The following SUCLG2 variants were observed in gnomAD, a reference collection of about 807,000 sequenced individuals.
SUCLG2 encodes the protein succinate--CoA ligase [GDP-forming] subunit beta, mitochondrial.
Under a neutral mutation model 47.9 loss-of-function variants are expected in SUCLG2, and 42 were observed. The ratio of observed to expected loss-of-function variants is 0.88; its 90% CI spans 0.69 to 1.14. The LOEUF (loss-of-function observed/expected upper bound fraction) is 1.14, where lower values mean the gene tolerates loss of function less well. Ranked by LOEUF, SUCLG2 falls within the 50% of genes most tolerant of loss-of-function variation. The probability of loss-of-function intolerance (pLI) is 0.00; values close to 1 mark genes in which losing one functional copy is unlikely to be tolerated. For missense variants in SUCLG2, 571 were observed against 525.9 expected (o/e 1.09, Z -0.84); for synonymous variants, 195 against 197.3 (o/e 0.99, Z 0.10).
At chr3:67,569,079 T>C (rs1707544389) in intron 2 of SUCLG2, among the ~76,000 whole-genome samples, 1 of 152,142 alleles carries the variant, frequency 6.6e-6, no homozygotes, top group Non-Finnish European at 1.5e-5. Flanking sequence ...CCCACCCCTA[T>C]CCTAACTGGA....
rs199670973 is a variant in SUCLG2, at chr3:67,438,429, C to CA, written c.1063-37579dup. On this transcript the variant is annotated intron_variant, in intron 9 of 10. Transcript: ENST00000307227. The stretch of plus-strand genomic sequence containing the variant: ...GACATGAAAAACTCATCCTCCCACC[C>CA]AAAAAAAATCAATGAATCCAAGAGC... Among the ~76,000 whole-genome samples the CA allele has an allele frequency of 7.9e-3, 1,180 of 148,690 alleles. 16 individuals carry two copies. Among genetic ancestry groups the CA allele is most frequent in the African/African-American group, 0.027 (1,118 of 40,726 alleles).
intron 7 of SUCLG2, among the ~76,000 whole-genome samples, chr3:67,500,219 A>G (rs1186899175): frequency 1.3e-5 from 2 of 152,122 alleles, no homozygotes; most frequent in Non-Finnish European, 2.9e-5. Flanking sequence ...CTTCTTATGA[A>G]AATAAAACAT....
At chr3:67,570,673 G>A (rs1384773937) in intron 2 of SUCLG2, among the ~76,000 whole-genome samples, 1 of 152,124 alleles carries the variant, frequency 6.6e-6, no homozygotes, top group Non-Finnish European at 1.5e-5. Flanking sequence ...CTGAGGCTCG[G>A]GTGAGCTTCC....
At chr3:67,501,180 T>C (rs1458541366) in intron 7 of SUCLG2, among the ~76,000 whole-genome samples, 1 of 152,168 alleles carries the variant, frequency 6.6e-6, no homozygotes, top group African/African-American at 2.4e-5. Context: ...CTAAGTGTTT[T>C]GGGAAGTTAA....
intron 9 of SUCLG2, among the ~76,000 whole-genome samples, chr3:67,439,418 C>A (rs1267570467): frequency 1.3e-5 from 2 of 152,102 alleles, no homozygotes; most frequent in Non-Finnish European, 1.5e-5. Flanking sequence ...AAAGGGTATT[C>A]AAATAGGAAA....
At chr3:67,448,056 A>C (rs1305738160) in intron 9 of SUCLG2, among the ~76,000 whole-genome samples, 1 of 152,232 alleles carries the variant, frequency 6.6e-6, no homozygotes, top group East Asian at 1.9e-4. Context: ...AAAGTAGATA[A>C]CAATTAAAAT....
chr3:67,450,586 A>G (rs1379609180), intron 9 of SUCLG2, among the ~76,000 whole-genome samples: 1 of 152,254 alleles, frequency 6.6e-6, no homozygotes, highest in Non-Finnish European at 1.5e-5. Flanking sequence ...TCATCTAGAT[A>G]CTATCATCTG....
chr3:67,642,172 G>A (rs903812224), intron 1 of SUCLG2, among the ~76,000 whole-genome samples: 2 of 152,168 alleles, frequency 1.3e-5, no homozygotes, highest in African/African-American at 2.4e-5. Flanking sequence ...GGAATTTTGT[G>A]GGGGACACAA....
chr3:67,587,914 C>T (rs2107270820), intron 2 of SUCLG2, among the ~76,000 whole-genome samples: 1 of 152,292 alleles, frequency 6.6e-6, no homozygotes, highest in African/African-American at 2.4e-5. Flanking sequence ...TTTCCTACTA[C>T]TTTGTTACAT....
Position 67,609,555 on chromosome 3 carries a change from T to C in SUCLG2, c.126A>G (p.Glu42=), listed in dbSNP as rs564751910. The C allele has an allele frequency of 4.3e-6, 7 of 1,613,924 alleles. No individual in the cohort carries two copies. In the South Asian group the frequency reaches 7.7e-5, roughly 18 times the overall value. The change falls in exon 2 of 11, where the codon GAA becomes GAG. Residue 42 remains glutamate, a synonymous_variant. Coordinates refer to ENST00000307227, the MANE Select transcript of SUCLG2 (RefSeq NM_003848.4). ...CAGACATCAGTTTCTTGCTCTGGTA[T>C]TCCTGCAGGTTCAGCCATCTTCTGG... ...LTSRRWLNLQ[E]YQSKKLMSDN... is the part of the protein sequence containing the mutation.
intron 7 of SUCLG2, among the ~76,000 whole-genome samples, chr3:67,500,157 A>G (rs1705457950): frequency 6.6e-6 from 1 of 152,240 alleles, no homozygotes; most frequent in Non-Finnish European, 1.5e-5. Flanking sequence ...ACAGCCACAG[A>G]ACATTTCTCA....
chr3:67,548,610 T>C (rs1167406074), intron 2 of SUCLG2, among the ~76,000 whole-genome samples: 1 of 152,236 alleles, frequency 6.6e-6, no homozygotes, highest in Non-Finnish European at 1.5e-5. Flanking sequence ...CCAAATCTCA[T>C]GTGTACCAAT....
chr3:67,552,694 C>T (rs1707049604), intron 2 of SUCLG2, among the ~76,000 whole-genome samples: 1 of 152,196 alleles, frequency 6.6e-6, no homozygotes. Context: ...GTTTCTTCAT[C>T]TGCAAAACAG....
chr3:67,412,883 T>G (rs1480655317), intron 9 of SUCLG2, among the ~76,000 whole-genome samples: 4 of 152,228 alleles, frequency 2.6e-5, no homozygotes, highest in Non-Finnish European at 4.4e-5. Context: ...ATGTGCCATT[T>G]TGACCAACCC....
At chr3:67,553,995 A>G (rs888124770) in intron 2 of SUCLG2, among the ~76,000 whole-genome samples, 3 of 152,242 alleles carry the variant, frequency 2.0e-5, no homozygotes, top group African/African-American at 4.8e-5. Flanking sequence ...TCCTTGGGTT[A>G]AAAGTAACAT....
intron 2 of SUCLG2, among the ~76,000 whole-genome samples, chr3:67,582,503 T>C (rs1190892203): frequency 1.3e-5 from 2 of 152,220 alleles, no homozygotes; most frequent in African/African-American, 2.4e-5. Context: ...ACATTTTCTT[T>C]ATCCGGTCTA....
chr3:67,395,118 C>T (rs1227813890), intron 10 of SUCLG2, among the ~76,000 whole-genome samples: 5 of 151,476 alleles, frequency 3.3e-5, no homozygotes, highest in African/African-American at 4.8e-5. Context: ...CATCAACTAA[C>T]GAGCAAAATA....
At chr3:67,409,309 G>A (rs897012884) in intron 9 of SUCLG2, among the ~76,000 whole-genome samples, 26 of 152,218 alleles carry the variant, frequency 1.7e-4, no homozygotes, top group African/African-American at 5.8e-4. Context: ...CTCCATGTCT[G>A]AAACACTGAA....
intron 9 of SUCLG2, among the ~76,000 whole-genome samples, chr3:67,415,488 C>A (rs1363251259): frequency 6.6e-6 from 1 of 152,202 alleles, no homozygotes; most frequent in South Asian, 2.1e-4. Flanking sequence ...CCATATTTTA[C>A]AGATGGCATA....
Sources: allele counts gnomAD v4.1 joint callset (sites outside exome capture counted in the v4.1 genomes callset), GRCh38; gene constraint gnomAD v4.1.1; transcripts MANE v1.5; gene names NCBI Gene and HGNC (gene_info 2026-07-23, HGNC 2026-07-21).